ATP6V1C2: variants seen among roughly 807,000 people sequenced by gnomAD.
The protein encoded by ATP6V1C2 is ATPase H+ transporting V1 subunit C2.
ATP6V1C2 carries 45 observed loss-of-function variants against 56.8 expected under a neutral mutation model. The ratio of observed to expected loss-of-function variants is 0.79; its 90% CI spans 0.62 to 1.02. The LOEUF (loss-of-function observed/expected upper bound fraction) is 1.02, where lower values mean the gene tolerates loss of function less well. Ranked by LOEUF, ATP6V1C2 falls within the 50% of genes least tolerant of loss-of-function variation. The pLI is 0.00. For synonymous variants in ATP6V1C2, 220 were observed against 201.3 expected, an observed-to-expected ratio of 1.09 and a Z score of -0.79; for missense variants, 463 against 519.7, an observed-to-expected ratio of 0.89 and a Z score of 1.06.
In ATP6V1C2 at chr2:10,780,877, TG is replaced by T. The variant is rs1187268202; in HGVS notation, c.1062-1363del. On this transcript the variant is annotated intron_variant, in intron 12 of 13. Transcript: ENST00000272238. This position sits in a 1 kb window ranked among gnomAD's most constrained non-coding sequence, Gnocchi z 4.1. ...TCCTGCCTCAGCCTCCCCTAGTAGC[TG>T]GGATTACAGGCGTGCACCACCACGC... 1.3e-5 allele frequency among the ~76,000 whole-genome samples: 2 copies of T among 152,004 alleles called. No individual in the cohort carries two copies. Among genetic ancestry groups the T allele is most frequent in the African/African-American group, 4.8e-5 (2 of 41,390 alleles).
intron 4 of ATP6V1C2, among the ~76,000 whole-genome samples, chr2:10,754,303 G>A (rs1663393917): frequency 6.6e-6 from 1 of 152,142 alleles, no homozygotes; most frequent in Non-Finnish European, 1.5e-5. Flanking sequence ...TTGGCTCACT[G>A]CAACCTCCGC....
At chr2:10,768,895 G>C (rs1664401067) in intron 6 of ATP6V1C2, 85 bp downstream of exon 6, 1 of 1,070,076 alleles carries the variant, frequency 9.3e-7, no homozygotes, top group Non-Finnish European at 1.4e-6. Context: ...TGGGCCACCT[G>C]GGAGTCTGTG....
chr2:10,760,034 T>TG (rs1005199706), intron 4 of ATP6V1C2, among the ~76,000 whole-genome samples: 19 of 150,820 alleles, frequency 1.3e-4, no homozygotes, highest in Non-Finnish European at 2.2e-4. Flanking sequence ...TTTTTTGTTT[T>TG]TTTTTTTTTT....
chr2:10,779,101 T>A, intron 12 of ATP6V1C2, among the ~76,000 whole-genome samples: 1 of 143,452 alleles, frequency 7.0e-6, no homozygotes, highest in East Asian at 2.0e-4. Context: ...AAAGCTTATT[T>A]TGCCTTTTTT....
At chr2:10,782,655 AC>A (rs1477315167) in intron 13 of ATP6V1C2, among the ~76,000 whole-genome samples, 1 of 151,918 alleles carries the variant, frequency 6.6e-6, no homozygotes, top group Non-Finnish European at 1.5e-5. Context: ...ACATGGTGAA[AC>A]CCTGTCTCTA....
At chr2:10,728,446 G>A (rs190033985) in intron 3 of ATP6V1C2, among the ~76,000 whole-genome samples, 107 of 152,156 alleles carry the variant, frequency 7.0e-4, no homozygotes, top group African/African-American at 2.4e-3. Context: ...GTTAAATAAC[G>A]TATCTTAGAG....
At chr2:10,731,736 G>A (rs1447523816) in intron 3 of ATP6V1C2, among the ~76,000 whole-genome samples, 2 of 152,168 alleles carry the variant, frequency 1.3e-5, no homozygotes, top group African/African-American at 2.4e-5. Flanking sequence ...CACTTTGGGA[G>A]GCTGAGATGG....
intron 3 of ATP6V1C2, among the ~76,000 whole-genome samples, chr2:10,750,521 C>T (rs1382600326): frequency 5.8e-5 from 5 of 85,880 alleles, no homozygotes; most frequent in South Asian, 4.2e-4. Flanking sequence ...GTCTCAAAAA[C>T]GAAAAGCAAA....
At chr2:10,764,497 C>T in intron 5 of ATP6V1C2, 72 bp downstream of exon 5, 1 of 1,308,268 alleles carries the variant, frequency 7.6e-7, no homozygotes, top group Non-Finnish European at 1.1e-6. Flanking sequence ...GTAGGGCCCC[C>T]CTGCCAACAG....
intron 2 of ATP6V1C2, among the ~76,000 whole-genome samples, chr2:10,724,019 C>T (rs1037352417): frequency 1.9e-4 from 29 of 151,890 alleles, no homozygotes; most frequent in Non-Finnish European, 3.7e-4. Context: ...GCCTCGGCCT[C>T]CCAAAGTGCT....
intron 12 of ATP6V1C2, among the ~76,000 whole-genome samples, chr2:10,779,432 T>C (rs144791473): frequency 0.1 from 12,528 of 125,782 alleles, 657 homozygotes; most frequent in South Asian, 0.17. Context: ...AAAAAAAATA[T>C]ATATATATAT....
chr2:10,757,090 G>C (rs1173299878), intron 4 of ATP6V1C2, among the ~76,000 whole-genome samples: 1 of 124,554 alleles, frequency 8.0e-6, no homozygotes. Flanking sequence ...TCAGCTCACC[G>C]CAACCTCTGC....
chr2:10,742,148 G>T (rs747471068), intron 3 of ATP6V1C2, among the ~76,000 whole-genome samples: 4 of 152,154 alleles, frequency 2.6e-5, no homozygotes, highest in South Asian at 2.1e-4. Flanking sequence ...GACCTCAGGC[G>T]ATCTGCCCAC....
intron 4 of ATP6V1C2, among the ~76,000 whole-genome samples, chr2:10,760,402 G>GA (rs930080410): frequency 6.6e-6 from 1 of 152,186 alleles, no homozygotes; most frequent in African/African-American, 2.4e-5. Context: ...AGGGGTGGCA[G>GA]AGGGCCGTCC....
chr2:10,762,056 C>G (rs1029905150), intron 4 of ATP6V1C2, among the ~76,000 whole-genome samples: 1 of 152,190 alleles, frequency 6.6e-6, no homozygotes, highest in African/African-American at 2.4e-5. Context: ...CTCACTTTAT[C>G]CTGGAATTTC....
intron 3 of ATP6V1C2, among the ~76,000 whole-genome samples, chr2:10,737,366 T>G (rs1290064595): frequency 6.8e-6 from 1 of 147,238 alleles, no homozygotes; most frequent in African/African-American, 2.5e-5. Flanking sequence ...GGAGGTGCAG[T>G]GAGCGGAGAT....
At position 10,722,953 on chromosome 2, in the gene ATP6V1C2, C is replaced by T. The variant is rs752201407; in HGVS notation, c.104C>T (p.Thr35Ile). 1.4e-5 allele frequency: 22 copies of T among 1,613,768 alleles called. No individual in the cohort carries two copies. Among genetic ancestry groups the T allele is most frequent in the Non-Finnish European group, 1.7e-5 (20 of 1,179,974 alleles). The change falls in exon 2 of 14, where the codon ACC (threonine) becomes ATC (isoleucine). Residue 35 changes from threonine (T) to isoleucine (I), a missense_variant. Coordinates refer to ENST00000272238, the MANE Select transcript of ATP6V1C2 (RefSeq NM_001039362.2). ...VTSKSNLSYN[T>I]KFAIPDFKVG... is the part of the protein sequence containing the mutation. ...TCCAAGTCCAACCTGTCTTATAATACCAAATTCGCTATTCCTGACTTCAAG... is the reference window on the plus strand; with the variant it reads ...TCCAAGTCCAACCTGTCTTATAATATCAAATTCGCTATTCCTGACTTCAAG...
intron 3 of ATP6V1C2, among the ~76,000 whole-genome samples, chr2:10,753,119 G>GT (rs1226758190): frequency 2.6e-5 from 4 of 152,212 alleles, no homozygotes; most frequent in Non-Finnish European, 5.9e-5. Flanking sequence ...CCTTCAGTGT[G>GT]TTTTTCAGAG....
At chr2:10,754,908 C>T (rs954206014) in intron 4 of ATP6V1C2, among the ~76,000 whole-genome samples, 2 of 151,570 alleles carry the variant, frequency 1.3e-5, no homozygotes, top group African/African-American at 4.8e-5. Context: ...CGTGGTCTTG[C>T]CCAGGCTGGA....
Sources: gnomAD v4.1 joint callset for allele counts (sites outside exome capture counted in the v4.1 genomes callset) on GRCh38, gnomAD v4.1.1 for gene constraint, Gnocchi (gnomAD v3.1) non-coding constraint, MANE v1.5 for transcripts, NCBI Gene and HGNC (gene_info 2026-07-23, HGNC 2026-07-21) for gene names.